FILIP1L: variants seen among roughly 807,000 people sequenced by gnomAD.
The protein encoded by FILIP1L is filamin A interacting protein 1 like.
FILIP1L carries 55 observed loss-of-function variants against 96.6 expected under a neutral mutation model. The observed-to-expected ratio is 0.57, with a 90% CI of 0.46 to 0.71. FILIP1L has a LOEUF of 0.71. Ranked by LOEUF, FILIP1L falls within the 30% of genes least tolerant of loss-of-function variation. The probability of loss-of-function intolerance (pLI) is 0.00; values close to 1 mark genes in which losing one functional copy is unlikely to be tolerated. For synonymous variants in FILIP1L, 467 were observed against 473.9 expected (o/e 0.99, Z 0.19); for missense variants, 1,304 against 1,321.2 (o/e 0.99, Z 0.20).
At chr3:99,992,517 T>C (rs2107137553) in intron 1 of FILIP1L, among the ~76,000 whole-genome samples, 1 of 152,216 alleles carries the variant, frequency 6.6e-6, no homozygotes, top group East Asian at 1.9e-4. Flanking sequence ...GGTTATTTGG[T>C]TTTTTTCTTG....
In FILIP1L at chr3:99,848,986, G is replaced by C. The variant is rs377403924; in HGVS notation, c.2690C>G (p.Thr897Arg). The change falls in exon 5 of 6, where the codon ACA becomes AGA. Residue 897 changes from threonine (T) to arginine (R), a missense_variant. Thr to Arg is a moderately conservative substitution (Grantham distance 71). Coordinates refer to ENST00000477258, the MANE Select transcript of FILIP1L (RefSeq NM_001387850.1). ...CTTTATATGAAGTGGCTGCCCAGGT[G>C]TGTGGCTTAGGACTAGATCTCCAGG... ...VQPGDLVLSH[T>R]PGQPLHIKVT... 2 of 1,614,114 alleles carry C rather than the reference G, an allele frequency of 1.2e-6. No homozygotes were observed. The highest frequency in any genetic ancestry group is 2.7e-5 in the African/African-American group (2 of 75,040).
chr3:100,065,451 TC>T (rs2065647731), intron 1 of FILIP1L, among the ~76,000 whole-genome samples: 1 of 152,200 alleles, frequency 6.6e-6, no homozygotes, highest in Admixed American at 6.5e-5. Flanking sequence ...CTAGATTCAA[TC>T]CCAGTTCTGT....
rs1481585810 is a variant in FILIP1L at position 99,848,425 on chromosome 3, G to C, written c.3251C>G (p.Ser1084Ter). ...AGTTCGGTTATCCTGCAGTGGTGCT[G>C]AAGGGCTGGCAGGTCTCACAGGGCT... Reference protein sequence around the residue: ...VASPVRPASPSAPLQDNRTQG... With the variant: ...VASPVRPASP The change falls in exon 5 of 6, where the codon TCA becomes TGA. Residue 1084 changes from serine to a stop codon, truncating the protein, a stop_gained. Coordinates refer to ENST00000477258, the MANE Select transcript of FILIP1L (RefSeq NM_001387850.1). LOFTEE classifies it high-confidence loss of function. 1.2e-6 allele frequency: 2 copies of C among 1,614,200 alleles called. No homozygotes were observed. The highest frequency in any genetic ancestry group is 3.3e-5 in the Admixed American group (2 of 60,024).
chr3:99,925,187 T>C (rs1707252324), intron 3 of FILIP1L, among the ~76,000 whole-genome samples: 1 of 152,320 alleles, frequency 6.6e-6, no homozygotes, highest in Admixed American at 6.5e-5. Context: ...TACATCAAGG[T>C]ATTTCCATTA....
At chr3:99,883,872 A>G (rs1400877144) in intron 4 of FILIP1L, among the ~76,000 whole-genome samples, 1 of 152,226 alleles carries the variant, frequency 6.6e-6, no homozygotes, top group Non-Finnish European at 1.5e-5. Context: ...GTCTAAGATC[A>G]CAGAGCTAGG....
Position 99,850,600 on chromosome 3 carries a change from C to A in FILIP1L, c.1076G>T (p.Ser359Ile). ...EELQDIKEKI[S>I]KGEYGNAGIM... ...ACCAGCGTTTCCATATTCTCCCTTACTGATTTTTTCTTTTATATCTTGCAG... is the reference window on the plus strand; with the variant it reads ...ACCAGCGTTTCCATATTCTCCCTTAATGATTTTTTCTTTTATATCTTGCAG... Residue 359 changes from serine to isoleucine, a missense_variant, in exon 5 of 6, where the codon AGT becomes ATT. Coordinates refer to ENST00000477258, the MANE Select transcript of FILIP1L (RefSeq NM_001387850.1). The A allele has an allele frequency of 6.2e-7, 1 of 1,613,818 alleles. No individual in the cohort carries two copies.
At chr3:99,963,108 C>T (rs1281446360) in intron 1 of FILIP1L, among the ~76,000 whole-genome samples, 1 of 152,192 alleles carries the variant, frequency 6.6e-6, no homozygotes, top group African/African-American at 2.4e-5. Context: ...AGCCTGCCTA[C>T]AGAGGGTAAA....
chr3:100,097,955 C>T (rs946143688), intron 1 of FILIP1L, among the ~76,000 whole-genome samples: 11 of 152,128 alleles, frequency 7.2e-5, no homozygotes, highest in African/African-American at 1.9e-4. Context: ...ATTTCATCAA[C>T]GGTAGCATAT....
intron 1 of FILIP1L, among the ~76,000 whole-genome samples, chr3:100,003,771 A>G (rs149805250): frequency 6.6e-6 from 1 of 152,312 alleles, no homozygotes; most frequent in African/African-American, 2.4e-5. Flanking sequence ...CTAAAAGTCA[A>G]GAGCATAGAC....
At chr3:99,900,532 G>C (rs1156773299) in intron 4 of FILIP1L, among the ~76,000 whole-genome samples, 1 of 152,094 alleles carries the variant, frequency 6.6e-6, no homozygotes, top group Non-Finnish European at 1.5e-5. Flanking sequence ...TCAAACCAAG[G>C]AAGTTTGGCC....
At chr3:100,041,742 T>C (rs751131984) in intron 1 of FILIP1L, among the ~76,000 whole-genome samples, 71 of 152,218 alleles carry the variant, frequency 4.7e-4, no homozygotes, top group Non-Finnish European at 1.2e-4. Flanking sequence ...TTTATGTCTA[T>C]GTAGCATGGT....
rs566351269 is a variant in FILIP1L at position 99,848,105 on chromosome 3, C to T, written c.3381+190G>A. ...AAAAGATATACAGTAAGTGCACACT[C>T]GATATGACTATGCAGGCAACAGTTA... On this transcript the variant is annotated intron_variant, in intron 5 of 5. Coordinates refer to ENST00000477258, the MANE Select transcript of FILIP1L (RefSeq NM_001387850.1). 844 of 1,440,792 alleles carry T rather than the reference C, an allele frequency of 5.9e-4. 11 individuals are homozygous for T. In the South Asian group the frequency reaches 0.012, roughly 21 times the overall value. 89.3% of individuals were successfully genotyped at this position (1,440,792 alleles called of 1,614,324 possible). A position where few individuals can be genotyped will look rare whatever the true frequency, so the allele number is the denominator to read the frequency against.
At chr3:100,028,804 A>G (rs2064972469) in intron 1 of FILIP1L, among the ~76,000 whole-genome samples, 2 of 152,162 alleles carry the variant, frequency 1.3e-5, no homozygotes, top group African/African-American at 4.8e-5. Context: ...CTGATAAGCT[A>G]TCACACCAAC....
intron 1 of FILIP1L, among the ~76,000 whole-genome samples, chr3:100,061,328 C>T (rs1356059640): frequency 6.6e-6 from 1 of 152,318 alleles, no homozygotes; most frequent in East Asian, 1.9e-4. Context: ...GGGCCAAGCA[C>T]ATGACATTCG....
At chr3:99,960,448 C>T (rs1219535186) in intron 1 of FILIP1L, among the ~76,000 whole-genome samples, 1 of 152,188 alleles carries the variant, frequency 6.6e-6, no homozygotes, top group South Asian at 2.1e-4. Context: ...TCCCTACCCA[C>T]AGGGGAAAAA....
At chr3:100,002,340 G>C (rs901232819) in intron 1 of FILIP1L, among the ~76,000 whole-genome samples, 1 of 152,176 alleles carries the variant, frequency 6.6e-6, no homozygotes, top group African/African-American at 2.4e-5. Flanking sequence ...ACAGAAGATA[G>C]GTCTTAATAC....
intron 1 of FILIP1L, among the ~76,000 whole-genome samples, chr3:99,963,229 A>G (rs1312804429): frequency 6.6e-6 from 1 of 152,228 alleles, no homozygotes; most frequent in Non-Finnish European, 1.5e-5. Flanking sequence ...TAGTTGCCCC[A>G]GAATAGTGTG....
intron 4 of FILIP1L, among the ~76,000 whole-genome samples, chr3:99,911,838 A>G (rs1304924430): frequency 6.6e-6 from 1 of 151,790 alleles, no homozygotes; most frequent in Non-Finnish European, 1.5e-5. Context: ...TTTTTTTCCT[A>G]GTTCCTAGTT....
chr3:99,945,539 A>C (rs1707983745), intron 1 of FILIP1L, among the ~76,000 whole-genome samples: 2 of 152,198 alleles, frequency 1.3e-5, no homozygotes, highest in Admixed American at 1.3e-4. Context: ...CTTACAATTA[A>C]GGAGGGAAAC....
Sources: allele counts gnomAD v4.1 joint callset (sites outside exome capture counted in the v4.1 genomes callset), GRCh38; gene constraint gnomAD v4.1.1; transcripts MANE v1.5; gene names NCBI Gene and HGNC (gene_info 2026-07-23, HGNC 2026-07-21).